EMSY: variants seen among roughly 807,000 people sequenced by gnomAD.
The protein encoded by EMSY is BRCA2-interacting transcriptional repressor EMSY.
Under a neutral mutation model 134.6 loss-of-function variants are expected in EMSY, and 26 were observed. That is an observed-to-expected ratio of 0.19 (90% confidence interval 0.14 to 0.27). The LOEUF is 0.27. EMSY is among the 10% of genes least tolerant of loss of function. The pLI is 1.00. For synonymous variants in EMSY, 579 were observed against 577.8 expected (o/e 1.00, Z -0.03); for missense variants, 1,305 against 1,611.4 (o/e 0.81, Z 3.26).
chr11:76,546,174 T>C (rs200158854), exon 20 of EMSY: 1 of 1,614,144 alleles, frequency 6.2e-7, no homozygotes, highest in Non-Finnish European at 8.5e-7. Context: ...CATCCACTGT[T>C]GGCTCTTCCC....
In EMSY at chr11:76,516,315, A is replaced by G. The variant is rs772857988; in HGVS notation, c.1684+3A>G. On this transcript the variant is annotated splice_donor_region_variant and intron_variant, in intron 11 of 20. Transcript: ENST00000334736. ...AATTAGCAGTAATATAGTTTCTGGTAGGTATATCTGAAATATGTTAAAGGT... is the reference window on the plus strand; with the variant it reads ...AATTAGCAGTAATATAGTTTCTGGTGGGTATATCTGAAATATGTTAAAGGT... 5 of 1,601,028 alleles carry G rather than the reference A, an allele frequency of 3.1e-6. No homozygotes were observed. The African/African-American group carries it at 5.4e-5, about 17-fold the overall frequency.
chr11:76,516,931 A>G (rs933292109), intron 11 of EMSY: 1 of 152,178 alleles, frequency 6.6e-6, no homozygotes, highest in Admixed American at 6.6e-5. Flanking sequence ...TTATTGGTAT[A>G]TTGAAACCAT....
At chr11:76,528,286 C>G (rs1950914130) in exon 14 of EMSY, 1 of 1,613,432 alleles carries the variant, frequency 6.2e-7, no homozygotes, top group Non-Finnish European at 8.5e-7. Flanking sequence ...TAAACCCAAA[C>G]CAGTGACTTT....
intron 19 of EMSY, 84 bp from the exon 21 acceptor site, chr11:76,545,713 C>G (rs1951620846): frequency 6.9e-7 from 1 of 1,453,376 alleles, no homozygotes; most frequent in Admixed American, 2.2e-5. Flanking sequence ...ACGAATGTTT[C>G]TTTTGCCATA....
chr11:76,457,599 T>C lies in EMSY; in HGVS notation c.246-584T>C, dbSNP rs145727003. On this transcript the variant is annotated intron_variant, in intron 4 of 20. Coordinates refer to ENST00000334736, the Ensembl canonical transcript of EMSY. ...AGTCTGTTTTTAACAGGAAGGATAA[T>C]AACAATACATTGTCAGTGACACATA... Among the ~76,000 whole-genome samples the C allele has an allele frequency of 2.2e-3, 333 of 152,292 alleles. 2 individuals are homozygous for C. The highest frequency in any genetic ancestry group is 3.7e-3 in the Non-Finnish European group (253 of 68,010).
exon 20 of EMSY, chr11:76,545,954 C>T (rs1158679807): frequency 2.5e-6 from 4 of 1,614,040 alleles, no homozygotes; most frequent in Admixed American, 3.3e-5. Context: ...TCTGAGAAGA[C>T]AGCAGTGTCT....
At chr11:76,544,987 G>T (rs1380616146) in intron 19 of EMSY, 165 bp downstream of exon 20, 1 of 725,040 alleles carries the variant, frequency 1.4e-6, no homozygotes. Flanking sequence ...GTTGACATTA[G>T]GGAAGAAATG....
At chr11:76,538,037 C>A in intron 16 of EMSY, 87 bp downstream of exon 17, 2 of 1,177,846 alleles carry the variant, frequency 1.7e-6, no homozygotes, top group Non-Finnish European at 2.3e-6. Context: ...AGAATATATT[C>A]TTTATATTTT....
intron 17 of EMSY, among the ~76,000 whole-genome samples, chr11:76,540,117 A>C (rs1461237330): frequency 6.6e-6 from 1 of 152,172 alleles, no homozygotes; most frequent in Non-Finnish European, 1.5e-5. Context: ...TTTTAAATAG[A>C]CTTAGTTGAT....
intron 12 of EMSY, among the ~76,000 whole-genome samples, chr11:76,525,537 G>T (rs1950816852): frequency 6.6e-6 from 1 of 152,050 alleles, no homozygotes; most frequent in Non-Finnish European, 1.5e-5. Flanking sequence ...TAAGTTTATG[G>T]ATTTTAATTT....
intron 2 of EMSY, among the ~76,000 whole-genome samples, chr11:76,451,619 A>T (rs1011483851): frequency 6.6e-6 from 1 of 152,216 alleles, no homozygotes; most frequent in Non-Finnish European, 1.5e-5. Context: ...CAAAATATCT[A>T]CTGTTAGATT....
At chr11:76,520,767 A>G (rs974754986) in intron 11 of EMSY, among the ~76,000 whole-genome samples, 3 of 151,432 alleles carry the variant, frequency 2.0e-5, no homozygotes, top group African/African-American at 7.3e-5. Context: ...AACTTTGTAT[A>G]CACTAAGTTT....
chr11:76,537,256 AAAG>A (rs903057155), intron 15 of EMSY, among the ~76,000 whole-genome samples: 91 of 152,350 alleles, frequency 6.0e-4, no homozygotes, highest in African/African-American at 2.1e-3. Flanking sequence ...TTCTAGAAAC[AAAG>A]AAGCCATTTT....
intron 4 of EMSY, among the ~76,000 whole-genome samples, chr11:76,457,012 C>G (rs1012320563): frequency 1.3e-5 from 2 of 152,124 alleles, no homozygotes; most frequent in African/African-American, 4.8e-5. Context: ...TTTGATATCT[C>G]TGACTCAGTT....
At chr11:76,517,480 A>G (rs1457408187) in intron 11 of EMSY, among the ~76,000 whole-genome samples, 1 of 152,146 alleles carries the variant, frequency 6.6e-6, no homozygotes, top group Non-Finnish European at 1.5e-5. Flanking sequence ...TCAAAAAGGG[A>G]TCTTATATTT....
intron 2 of EMSY, among the ~76,000 whole-genome samples, chr11:76,448,304 T>C (rs1338292806): frequency 3.9e-5 from 6 of 152,044 alleles, no homozygotes; most frequent in African/African-American, 1.2e-4. Flanking sequence ...GAGTTGTTTT[T>C]GGAGAGGGTG....
At chr11:76,510,044 G>T (rs572780554) in intron 9 of EMSY, among the ~76,000 whole-genome samples, 3 of 152,106 alleles carry the variant, frequency 2.0e-5, no homozygotes, top group African/African-American at 7.2e-5. Context: ...AGAACAAGAC[G>T]CTGTCTCTAA....
chr11:76,478,218 A>G (rs943927907), intron 8 of EMSY, among the ~76,000 whole-genome samples: 1 of 152,204 alleles, frequency 6.6e-6, no homozygotes, highest in African/African-American at 2.4e-5. Context: ...AAACCTAACA[A>G]TATTAGTAGG....
rs1439534294 is a variant in EMSY, at chr11:76,480,508, A to T, written c.1108+7668A>T. Among the ~76,000 whole-genome samples, 413 of 152,264 alleles carry T rather than the reference A, an allele frequency of 2.7e-3. 1 individual carries two copies. The highest frequency in any genetic ancestry group is 9.1e-3 in the African/African-American group (379 of 41,566). ...TCCAGTTGAAATTCTCCTCAAAAAT[A>T]ATGTTTATGCCATGTACTTTCCCCC... On this transcript the variant is annotated intron_variant, in intron 8 of 20. Transcript: ENST00000334736.
Sources: gnomAD v4.1 joint callset for allele counts (sites outside exome capture counted in the v4.1 genomes callset) on GRCh38, gnomAD v4.1.1 for gene constraint, MANE v1.5 for transcripts, NCBI Gene and HGNC (gene_info 2026-07-23, HGNC 2026-07-21) for gene names.